The following CFAP20DC variants were observed in gnomAD, a reference collection of about 807,000 sequenced individuals.
The protein encoded by CFAP20DC is CFAP20 domain containing, also known as protein CFAP20DC.
Under a neutral mutation model 101.7 loss-of-function variants are expected in CFAP20DC, and 84 were observed. The ratio of observed to expected loss-of-function variants is 0.83; its 90% CI spans 0.69 to 0.99. The LOEUF (loss-of-function observed/expected upper bound fraction) is 0.99. Ranked by LOEUF, CFAP20DC falls within the 50% of genes least tolerant of loss-of-function variation. The pLI is 0.00. For synonymous variants in CFAP20DC, 359 were observed against 351.2 expected (o/e 1.02, Z -0.25); for missense variants, 1,007 against 970.3 (o/e 1.04, Z -0.50).
chr3:58,870,782 G>C (rs1168011946), intron 7 of CFAP20DC, among the ~76,000 whole-genome samples: 1 of 147,908 alleles, frequency 6.8e-6, no homozygotes, highest in Non-Finnish European at 1.5e-5. Flanking sequence ...CAGCTACTCG[G>C]GAGGCTGAGG....
At chr3:58,988,269 A>G (rs990129574) in intron 4 of CFAP20DC, among the ~76,000 whole-genome samples, 1 of 152,182 alleles carries the variant, frequency 6.6e-6, no homozygotes, top group Non-Finnish European at 1.5e-5. Flanking sequence ...AACAAGCTTT[A>G]GCAAACTAGA....
chr3:58,802,654 C>T (rs533868235), intron 15 of CFAP20DC, among the ~76,000 whole-genome samples: 1 of 152,210 alleles, frequency 6.6e-6, no homozygotes, highest in African/African-American at 2.4e-5. Context: ...AGATTGTAAA[C>T]TTCTGAGAAA....
intron 14 of CFAP20DC, among the ~76,000 whole-genome samples, chr3:58,816,714 G>A (rs1479329754): frequency 6.6e-6 from 1 of 152,192 alleles, no homozygotes; most frequent in African/African-American, 2.4e-5. Context: ...GGCTGGGGGA[G>A]GGGCGCCCGC....
Position 58,788,455 on chromosome 3 carries a change from A to G in CFAP20DC, c.2237+17940T>C, listed in dbSNP as rs556698537. Among the ~76,000 whole-genome samples, 65 of 152,234 alleles carry G rather than the reference A, an allele frequency of 4.3e-4. No individual in the cohort carries two copies. In the Middle Eastern group the frequency reaches 0.014, roughly 32 times the overall value. On this transcript the variant is annotated intron_variant, in intron 15 of 16. Transcript: ENST00000482387. The surrounding 1 kb of genome is among the most constrained non-coding windows in gnomAD (Gnocchi z 4.2). ...AGCAAATGGGGAATCAACGAGAAAA[A>G]TTTCTTACCTTTAGTTTATCACCTC...
At chr3:59,000,210 C>T (rs981940277) in intron 4 of CFAP20DC, among the ~76,000 whole-genome samples, 2 of 152,216 alleles carry the variant, frequency 1.3e-5, no homozygotes, top group African/African-American at 4.8e-5. Flanking sequence ...ATGCTTCATT[C>T]CCAAATAAAC....
chr3:58,884,869 A>C (rs1026516117), intron 6 of CFAP20DC, among the ~76,000 whole-genome samples, 160 bp from the exon 7 acceptor site: 1 of 152,240 alleles, frequency 6.6e-6, no homozygotes. Flanking sequence ...TGAAATGAGC[A>C]TGATAATTTT....
In CFAP20DC at chr3:58,863,707, A is replaced by G. The variant is rs768648328; in HGVS notation, c.1444T>C (p.Ser482Pro). ...CCATGAGGTGCTGATCGTGGTCTTG[A>G]TGAAAAAGTGAAAATGTCCTTTGGA... ...SVPKDIFTFSSRPRSAPHGKT... is the reference protein window; with the variant it reads ...SVPKDIFTFSPRPRSAPHGKT... The change falls in exon 12 of 17, where the codon TCA becomes CCA. Residue 482 changes from serine (S) to proline (P), a missense_variant. By Grantham distance (74) the Ser-to-Pro change is moderately conservative. Transcript: ENST00000482387. This position sits in a 1 kb window ranked among gnomAD's most constrained non-coding sequence, Gnocchi z 5.9. 2 of 1,614,036 alleles carry G rather than the reference A, an allele frequency of 1.2e-6. No individual in the cohort carries two copies. Among genetic ancestry groups the G allele is most frequent in the African/African-American group, 2.7e-5 (2 of 74,908 alleles).
chr3:58,969,364 A>T (rs1391314071), intron 4 of CFAP20DC, among the ~76,000 whole-genome samples: 1 of 152,190 alleles, frequency 6.6e-6, no homozygotes, highest in Admixed American at 6.6e-5. Flanking sequence ...ATGTGGAGAA[A>T]TGAGAATCCT....
At chr3:58,981,522 G>T (rs1435112530) in intron 4 of CFAP20DC, among the ~76,000 whole-genome samples, 1 of 152,118 alleles carries the variant, frequency 6.6e-6, no homozygotes, top group African/African-American at 2.4e-5. Context: ...TAGATCAACG[G>T]AACAGAACAG....
chr3:58,808,975 T>C (rs1006313443), intron 14 of CFAP20DC, among the ~76,000 whole-genome samples: 3 of 152,016 alleles, frequency 2.0e-5, no homozygotes, highest in African/African-American at 7.3e-5. Flanking sequence ...AGAAGGCCAT[T>C]ACATAATGGT....
chr3:58,849,393 T>A lies in CFAP20DC; in HGVS notation c.1610A>T (p.Gln537Leu), dbSNP rs986587169. 2 of 1,528,664 alleles carry A rather than the reference T, an allele frequency of 1.3e-6. No individual in the cohort carries two copies. The highest frequency in any genetic ancestry group is 1.7e-6 in the Non-Finnish European group (2 of 1,144,396). The allele number at this position is 1,528,664 out of a possible 1,614,324, so 94.7% of individuals were successfully genotyped here. ...ACCAGTTGTTGGGCCTCGAGAACCC[T>A]GGATACTGTGGTTACCCTATGTTGG... ...DSSEEGNHSI[Q>L]GSRGPTTGPS... The change falls in exon 13 of 17, where the codon CAG (glutamine) becomes CTG (leucine). Residue 537 changes from glutamine to leucine, a missense_variant. By Grantham distance (113) the Gln-to-Leu change is moderately radical (BLOSUM62 -2). Transcript: ENST00000482387.
intron 3 of CFAP20DC, among the ~76,000 whole-genome samples, chr3:58,718,068 C>T (rs1044848733): frequency 6.6e-6 from 1 of 152,168 alleles, no homozygotes; most frequent in Non-Finnish European, 1.5e-5. Flanking sequence ...TTATTGGAGG[C>T]CAATTTTGTG....
chr3:58,924,833 T>A (rs1375494137), intron 5 of CFAP20DC, among the ~76,000 whole-genome samples: 1 of 152,126 alleles, frequency 6.6e-6, no homozygotes. Flanking sequence ...ATTATTGATG[T>A]GGAGGATTTT....
At chr3:58,798,960 A>G (rs2073461533) in intron 15 of CFAP20DC, among the ~76,000 whole-genome samples, 1 of 152,246 alleles carries the variant, frequency 6.6e-6, no homozygotes, top group Non-Finnish European at 1.5e-5. Context: ...GAATAGTAAC[A>G]TAACTTTTAC....
intron 14 of CFAP20DC, among the ~76,000 whole-genome samples, chr3:58,827,346 A>G (rs533681628): frequency 4.4e-4 from 65 of 147,752 alleles, no homozygotes; most frequent in Middle Eastern, 3.5e-3. Context: ...TGATCTGAAC[A>G]CAGGGCATGG....
rs561330127 is a variant in CFAP20DC at position 58,853,190 on chromosome 3, A to G, written c.1594-3781T>C. On this transcript the variant is annotated intron_variant, in intron 12 of 16. Coordinates refer to ENST00000482387, the MANE Select transcript of CFAP20DC (RefSeq NM_001394063.1). The stretch of plus-strand genomic sequence containing the variant: ...CCACAGAAATACAAACTACCATCAG[A>G]GAATACTACAAACACCTCTACGCAA... Among the ~76,000 whole-genome samples the G allele has an allele frequency of 5.7e-3, 863 of 152,318 alleles. 11 individuals carry two copies. The highest frequency in any genetic ancestry group is 0.017 in the Middle Eastern group (5 of 294).
chr3:58,865,824 A>T (rs979739601), intron 11 of CFAP20DC, among the ~76,000 whole-genome samples: 3 of 152,232 alleles, frequency 2.0e-5, no homozygotes, highest in African/African-American at 7.2e-5. Context: ...CAAAAAGTCA[A>T]AGTAAAAGGA....
intron 14 of CFAP20DC, 80 bp from the exon 15 acceptor site, chr3:58,806,536 G>A (rs1360820687): frequency 6.1e-6 from 6 of 986,566 alleles, no homozygotes; most frequent in East Asian, 5.0e-5. Context: ...TCTCATTACT[G>A]TAACTGTTTC....
Position 59,049,676 on chromosome 3 carries a change from T to G in CFAP20DC, c.-45A>C. Reference sequence around the variant, plus strand: ...CTTGGGGGGCACAGAGTTCAGGGTTTCCAGCGAGTGGCGTGACCCTGACGG... The same window carrying G: ...CTTGGGGGGCACAGAGTTCAGGGTTGCCAGCGAGTGGCGTGACCCTGACGG... On this transcript the variant is annotated 5_prime_UTR_variant, in exon 1 of 17. Transcript: ENST00000482387. The G allele has an allele frequency of 6.5e-7, 1 of 1,533,294 alleles. No homozygotes were observed. The highest frequency in any genetic ancestry group is 8.7e-7 in the Non-Finnish European group (1 of 1,145,250). The allele number at this position is 1,533,294 out of a possible 1,614,324, so 95.0% of individuals were successfully genotyped here.
Sources: allele counts gnomAD v4.1 joint callset (sites outside exome capture counted in the v4.1 genomes callset), GRCh38; gene constraint gnomAD v4.1.1; non-coding constraint Gnocchi (gnomAD v3.1); transcripts MANE v1.5; gene names NCBI Gene and HGNC (gene_info 2026-07-23, HGNC 2026-07-21).